ZDHHC6: variants seen among roughly 807,000 people sequenced by gnomAD.
ZDHHC6 encodes palmitoyltransferase ZDHHC6.
In ZDHHC6, 32 loss-of-function variants were observed where a neutral mutation model predicts 57.8. The observed-to-expected ratio is 0.55, with a 90% CI of 0.42 to 0.74. ZDHHC6 has a LOEUF of 0.74. Among genes scored for constraint, ZDHHC6 ranks in the 30% least tolerant of loss-of-function variants. The pLI, the probability that ZDHHC6 is intolerant of heterozygous loss-of-function variation, is 0.00. For missense variants in ZDHHC6, 433 were observed against 500.7 expected, an observed-to-expected ratio of 0.86 and a Z score of 1.29; for synonymous variants, 128 against 158.0, an observed-to-expected ratio of 0.81 and a Z score of 1.42.
At chr10:112,433,205 GAA>G in intron 8 of ZDHHC6, 33 bp downstream of exon 8, 2 of 1,527,956 alleles carry the variant, frequency 1.3e-6, no homozygotes, top group Non-Finnish European at 1.8e-6. Flanking sequence ...CCTAACAAAA[GAA>G]AAAAAAATTA....
intron 5 of ZDHHC6, 47 bp downstream of exon 5, chr10:112,440,487 G>A (rs905505562): frequency 6.4e-7 from 1 of 1,571,830 alleles, no homozygotes; most frequent in African/African-American, 1.3e-5. Context: ...TGTGCAATCA[G>A]TCCCAACAAC....
At chr10:112,447,559 C>CGCGAG, upstream of ZDHHC6, 1 of 1,431,710 alleles carries the variant, frequency 7.0e-7, no homozygotes, top group African/African-American at 1.4e-5. Flanking sequence ...GTCTATGAGG[C>CGCGAG]GCGAGGCTGG....
intron 10 of ZDHHC6, 144 bp from the exon 11 acceptor site, chr10:112,431,051 T>C: frequency 3.0e-6 from 2 of 665,340 alleles, no homozygotes; most frequent in Non-Finnish European, 5.0e-6. Flanking sequence ...AAGCACAGTT[T>C]GAAGGGGAAA....
At chr10:112,439,666 A>ATG (rs1845914153) in intron 5 of ZDHHC6, among the ~76,000 whole-genome samples, 7 of 132,758 alleles carry the variant, frequency 5.3e-5, no homozygotes, top group South Asian at 2.5e-4. Flanking sequence ...AAAAAAAAAA[A>ATG]AAAGAATGAA....
chr10:112,434,293 T>A lies in ZDHHC6; in HGVS notation c.903+4A>T. ...GGAAGGGCTATTTGAACAAAAATAC[T>A]CACTGTTAAGCTGTATTGGTGACAG... On this transcript the variant is annotated splice_donor_region_variant and intron_variant, in intron 7 of 10. Transcript: ENST00000369405. The A allele has an allele frequency of 6.4e-7, 1 of 1,558,146 alleles. No homozygotes were observed. The highest frequency in any genetic ancestry group is 1.2e-5 in the South Asian group (1 of 80,788).
intron 3 of ZDHHC6, 73 bp from the exon 4 acceptor site, chr10:112,442,424 G>T: frequency 6.9e-7 from 1 of 1,454,582 alleles, no homozygotes; most frequent in Non-Finnish European, 9.2e-7. Context: ...GTCTTCAAAA[G>T]ATCAAGCAAA....
Position 112,432,424 on chromosome 10 carries a change from C to T in ZDHHC6, c.1043G>A (p.Arg348Gln), listed in dbSNP as rs1845131583. 15 of 1,613,998 alleles carry T rather than the reference C, an allele frequency of 9.3e-6. No individual in the cohort carries two copies. The highest frequency in any genetic ancestry group is 1.0e-5 in the Non-Finnish European group (12 of 1,180,028). Residue 348 changes from arginine (R) to glutamine (Q), a missense_variant, in exon 9 of 11, where the codon CGA becomes CAA. Physicochemically the swap from Arg to Gln is conservative, Grantham distance 43. Coordinates refer to ENST00000369405, the MANE Select transcript of ZDHHC6 (RefSeq NM_022494.3). ...GAATTCCCCTTTTTGCAGCTGTATT[C>T]GAGGCTCTTCGGTGCAGGGACTTGT... ...FFTSPCTEEP[R>Q]IQLQKGEFIL...
intron 10 of ZDHHC6, among the ~76,000 whole-genome samples, chr10:112,431,948 T>C (rs1046832585): frequency 2.0e-5 from 3 of 152,172 alleles, no homozygotes; most frequent in Non-Finnish European, 4.4e-5. Flanking sequence ...ATATAAATAA[T>C]AGTGCCTACC....
chr10:112,441,669 A>G (rs1254179167), intron 4 of ZDHHC6, among the ~76,000 whole-genome samples: 1 of 152,208 alleles, frequency 6.6e-6, no homozygotes, highest in African/African-American at 2.4e-5. Context: ...TCTCTCGTTT[A>G]CTTTCAAGGC....
Position 112,430,784 on chromosome 10 carries a change from T to A in ZDHHC6, c.*20A>T, listed in dbSNP as rs776962443. 3 of 1,599,452 alleles carry A rather than the reference T, an allele frequency of 1.9e-6. No individual in the cohort carries two copies. The highest frequency in any genetic ancestry group is 2.6e-6 in the Non-Finnish European group (3 of 1,169,246). On this transcript the variant is annotated 3_prime_UTR_variant, in exon 11 of 11. Transcript: ENST00000369405. ...CAAGTAATTAAGCAGACTTAAAGGA[T>A]AATTTTGTTTTAACAGCAGCTATCT... is the stretch of plus-strand genomic sequence containing the variant.
downstream of ZDHHC6, among the ~76,000 whole-genome samples, chr10:112,429,975 G>GT (rs1554867978): frequency 3.3e-5 from 5 of 150,874 alleles, no homozygotes; most frequent in East Asian, 7.8e-4. Context: ...TTGGGGGGGG[G>GT]GTGTGGGGGG....
At chr10:112,425,363 G>A (rs201183294), downstream of ZDHHC6, 59 of 1,612,264 alleles carry the variant, frequency 3.7e-5, no homozygotes, top group Non-Finnish European at 4.7e-5. Context: ...ATCATCGACC[G>A]TAAAAAGAAC....
Position 112,432,254 on chromosome 10 carries a change from T to C in ZDHHC6, c.1124A>G (p.Asp375Gly). Residue 375 changes from aspartate to glycine, a missense_variant, in exon 10 of 11, where the codon GAT (aspartate) becomes GGT (glycine). Transcript: ENST00000369405. The part of the protein sequence containing the change: ...YWLYGDKILD[D>G]SFIEGVSRIR... ...CATTTCCATACCTTCTATAAAGGAA[T>C]CATCAAGAATTTTGTCTCCATATAA... 1 of 1,606,228 alleles carries C rather than the reference T, an allele frequency of 6.2e-7. No homozygotes were observed. The highest frequency in any genetic ancestry group is 1.7e-4 in the Middle Eastern group (1 of 5,922).
chr10:112,446,143 T>A (rs1431429278), intron 1 of ZDHHC6, among the ~76,000 whole-genome samples: 2 of 152,070 alleles, frequency 1.3e-5, no homozygotes. Flanking sequence ...CAAGTATGAG[T>A]CAGACATGGT....
intron 1 of ZDHHC6, among the ~76,000 whole-genome samples, 184 bp from the exon 2 acceptor site, chr10:112,445,834 C>G (rs1010219885): frequency 6.6e-6 from 1 of 152,212 alleles, no homozygotes; most frequent in Non-Finnish European, 1.5e-5. Flanking sequence ...AAATATGGTA[C>G]AAGTTTGAAT....
chr10:112,445,166 T>C lies in ZDHHC6; in HGVS notation c.267+4A>G, dbSNP rs1442020806. ...AGTTCATTGTCTTACAGAATCTTTC[T>C]TACCGGTTTCCACCCCAGAGGGACA... On this transcript the variant is annotated splice_donor_region_variant and intron_variant, in intron 2 of 10. Transcript: ENST00000369405. 1 of 1,609,704 alleles carries C rather than the reference T, an allele frequency of 6.2e-7. No individual in the cohort carries two copies. Among genetic ancestry groups the C allele is most frequent in the South Asian group, 1.1e-5 (1 of 90,906 alleles).
chr10:112,429,647 T>C (rs1202783050), downstream of ZDHHC6, among the ~76,000 whole-genome samples: 1 of 152,190 alleles, frequency 6.6e-6, no homozygotes, highest in Non-Finnish European at 1.5e-5. Flanking sequence ...AAGCCCAATT[T>C]AAGCATCCAA....
chr10:112,436,042 A>C (rs1209406146), intron 6 of ZDHHC6, among the ~76,000 whole-genome samples: 1 of 152,216 alleles, frequency 6.6e-6, no homozygotes, highest in African/African-American at 2.4e-5. Context: ...ATCAGGCAAA[A>C]AGAGAGGGAA....
chr10:112,433,140 G>T, intron 8 of ZDHHC6, 100 bp downstream of exon 8: 2 of 934,392 alleles, frequency 2.1e-6, no homozygotes, highest in Non-Finnish European at 3.0e-6. Flanking sequence ...ATTTAATAAA[G>T]GCCAACAATT....
Sources: allele counts gnomAD v4.1 joint callset (sites outside exome capture counted in the v4.1 genomes callset), GRCh38; gene constraint gnomAD v4.1.1; transcripts MANE v1.5; gene names NCBI Gene and HGNC (gene_info 2026-07-23, HGNC 2026-07-21).